Variants in DBF4B observed in about 807,000 individuals in gnomAD.
DBF4B encodes the protein protein DBF4 homolog B.
DBF4B carries 49 observed loss-of-function variants against 53.4 expected under a neutral mutation model. The observed-to-expected ratio is 0.92, with a 90% CI of 0.73 to 1.16. DBF4B has a LOEUF of 1.16. Ranked by LOEUF, DBF4B falls within the 50% of genes most tolerant of loss-of-function variation. The pLI is 0.00. For missense variants in DBF4B, 692 were observed against 775.0 expected (o/e 0.89, Z 1.27); for synonymous variants, 257 against 288.7 (o/e 0.89, Z 1.11).
chr17:44,725,569 C>T (rs1210334456), intron 3 of DBF4B, among the ~76,000 whole-genome samples: 1 of 151,934 alleles, frequency 6.6e-6, no homozygotes, highest in African/African-American at 2.4e-5. Flanking sequence ...AACCCTGTAC[C>T]CATTATCAGT....
intron 10 of DBF4B, among the ~76,000 whole-genome samples, chr17:44,743,714 G>T (rs572022445): frequency 6.7e-6 from 1 of 150,044 alleles, no homozygotes; most frequent in Non-Finnish European, 1.5e-5. Flanking sequence ...AGGTTCACGC[G>T]ATTCTCCTCC....
Position 44,749,230 on chromosome 17 carries a change from G to C in DBF4B, c.1189+765G>C. ...CCTCTGGGCCCCCCAGCCTCTCCAGGTGCCCTGTCTCCCTGTCTCCCAGCC... is the reference window on the plus strand; with the variant it reads ...CCTCTGGGCCCCCCAGCCTCTCCAGCTGCCCTGTCTCCCTGTCTCCCAGCC... On this transcript the variant is annotated intron_variant, in intron 13 of 13. Transcript: ENST00000315005. The surrounding 1 kb of genome is among the most constrained non-coding windows in gnomAD (Gnocchi z 4.4). 3 of 1,290,464 alleles carry C rather than the reference G, an allele frequency of 2.3e-6. No homozygotes were observed. Among genetic ancestry groups the C allele is most frequent in the Non-Finnish European group, 3.0e-6 (3 of 988,878 alleles). 79.9% of individuals were successfully genotyped at this position (1,290,464 alleles called of 1,614,324 possible).
Position 44,734,003 on chromosome 17 carries a change from G to T in DBF4B, c.557-87G>T, listed in dbSNP as rs564134831. ...GAGTGATTCAGTGGGCTGGCCCAGCGAGTTTAGTCCTGCAGCCCAGGAAGG... is the reference window on the plus strand; with the variant it reads ...GAGTGATTCAGTGGGCTGGCCCAGCTAGTTTAGTCCTGCAGCCCAGGAAGG... On this transcript the variant is annotated intron_variant, in intron 6 of 13. Coordinates refer to ENST00000315005, the MANE Select transcript of DBF4B (RefSeq NM_145663.3). 1.3e-5 allele frequency: 14 copies of T among 1,113,318 alleles called. No homozygotes were observed. In the Admixed American group the frequency reaches 1.4e-4, roughly 11 times the overall value. The allele number at this position is 1,113,318 out of a possible 1,614,324, so 69.0% of individuals were successfully genotyped here. A position where few individuals can be genotyped will look rare whatever the true frequency, so the allele number is the denominator to read the frequency against.
rs761296428 is a variant in DBF4B, at chr17:44,748,434, GAT to G, written c.1160_1161del (p.Ile387LysfsTer104). 1.9e-6 allele frequency: 3 copies of G among 1,614,082 alleles called. No homozygotes were observed. In the South Asian group the frequency reaches 3.3e-5, roughly 18 times the overall value. On this transcript the variant is annotated frameshift_variant, in exon 13 of 14. Transcript: ENST00000315005. LOFTEE classifies it low-confidence loss of function (END_TRUNC). Reference protein sequence around the residue: ...PSHPRAASPRIRKEDSCQASV... With the variant: ...PSHPRAASPRXRKEDSCQASV... Reference sequence around the variant, plus strand: ...CCCATCCCAGGGCAGCATCTCCCAGGATAAGGAAAGAAGACAGCTGCCAGGCA... The same window carrying G: ...CCCATCCCAGGGCAGCATCTCCCAGGAAGGAAAGAAGACAGCTGCCAGGCA...
intron 3 of DBF4B, among the ~76,000 whole-genome samples, chr17:44,727,219 C>T (rs1974439194): frequency 6.6e-6 from 1 of 151,446 alleles, no homozygotes; most frequent in South Asian, 2.1e-4. Context: ...GAGTTCTACA[C>T]CAGCCTGGCC....
intron 6 of DBF4B, among the ~76,000 whole-genome samples, chr17:44,733,345 G>A (rs1367025948): frequency 6.6e-6 from 1 of 152,188 alleles, no homozygotes; most frequent in Non-Finnish European, 1.5e-5. Context: ...ACCACTCTCA[G>A]TTTTACTCAG....
At chr17:44,726,292 T>TTTTTTTTATTTATTTA (rs1555676222) in intron 3 of DBF4B, among the ~76,000 whole-genome samples, 37 of 132,088 alleles carry the variant, frequency 2.8e-4, no homozygotes, top group East Asian at 2.6e-3. Flanking sequence ...CCCGGCCCTT[T>TTTTTTTTATTTATTTA]TTTATTTATT....
Position 44,741,463 on chromosome 17 carries a change from C to T in DBF4B, c.830+11C>T. On this transcript the variant is annotated intron_variant, in intron 10 of 13. Coordinates refer to ENST00000315005, the MANE Select transcript of DBF4B (RefSeq NM_145663.3). ...CATGCACCATACCAGGTGGGTCTTT[C>T]TGGTTCCTGAGTACCAAGGGCTGGT... The T allele has an allele frequency of 5.7e-6, 9 of 1,566,308 alleles. No individual in the cohort carries two copies. The highest frequency in any genetic ancestry group is 7.8e-6 in the Non-Finnish European group (9 of 1,149,454).
intron 3 of DBF4B, among the ~76,000 whole-genome samples, chr17:44,723,626 G>C (rs1974043713): frequency 6.6e-6 from 1 of 151,916 alleles, no homozygotes; most frequent in African/African-American, 2.4e-5. Context: ...AGGCATCATA[G>C]TGGGCACCTA....
At chr17:44,748,057 C>CA (rs1019662416) in intron 12 of DBF4B, among the ~76,000 whole-genome samples, 3 of 152,196 alleles carry the variant, frequency 2.0e-5, no homozygotes, top group African/African-American at 7.2e-5. Flanking sequence ...CTTCAGCTGC[C>CA]AAAGGGCACA....
intron 2 of DBF4B, among the ~76,000 whole-genome samples, chr17:44,711,067 C>A (rs1055930092): frequency 3.4e-5 from 5 of 147,890 alleles, no homozygotes; most frequent in African/African-American, 1.3e-4. Flanking sequence ...CTCACTGCAA[C>A]CTCTGCCTCC....
chr17:44,738,514 T>C (rs918393632), intron 9 of DBF4B, 90 bp downstream of exon 9: 6 of 1,360,618 alleles, frequency 4.4e-6, no homozygotes, highest in African/African-American at 4.3e-5. Context: ...CAAGCTAATG[T>C]GAAGACATGG....
intron 9 of DBF4B, among the ~76,000 whole-genome samples, chr17:44,739,753 T>C (rs1975807124): frequency 6.6e-6 from 1 of 152,146 alleles, no homozygotes; most frequent in South Asian, 2.1e-4. Flanking sequence ...GAGATCCAAC[T>C]GGAGCTGAGA....
At chr17:44,714,532 C>A (rs1313324085) in intron 2 of DBF4B, among the ~76,000 whole-genome samples, 3 of 151,850 alleles carry the variant, frequency 2.0e-5, no homozygotes, top group East Asian at 1.9e-4. Flanking sequence ...ATTTCTACCC[C>A]TTACTAACAG....
At chr17:44,743,509 C>T (rs866480910) in intron 10 of DBF4B, among the ~76,000 whole-genome samples, 20 of 151,938 alleles carry the variant, frequency 1.3e-4, no homozygotes, top group Middle Eastern at 3.4e-3. Context: ...TGGAGGAGAT[C>T]CGAGTGGTGC....
intron 3 of DBF4B, among the ~76,000 whole-genome samples, chr17:44,728,272 C>T (rs1974531883): frequency 6.6e-6 from 1 of 152,116 alleles, no homozygotes; most frequent in Admixed American, 6.6e-5. Context: ...GCTAAGGCCT[C>T]TGAGGCCTAG....
rs761674253 is a variant in DBF4B at position 44,751,222 on chromosome 17, A to G, written c.1817A>G (p.His606Arg). The change falls in exon 14 of 14, where the codon CAT (histidine) becomes CGT (arginine). Residue 606 changes from histidine (H) to arginine (R), a missense_variant. His to Arg is a conservative substitution (Grantham distance 29, BLOSUM62 0). Around this residue, in one of 3 missense-constraint regions of DBF4B, gnomAD observed 597 missense variants for 665.8 expected, o/e 0.90. Coordinates refer to ENST00000315005, the MANE Select transcript of DBF4B (RefSeq NM_145663.3). ...TGGAACACTCCTCAGCCATTTCTCC[A>G]TTGCGGCTTCCTGGCTGTAGACTCA... ...QGWNTPQPFL[H>R]CGFLAVDSG 6.2e-7 allele frequency: 1 copy of G among 1,613,634 alleles called. No individual in the cohort carries two copies. The highest frequency in any genetic ancestry group is 8.5e-7 in the Non-Finnish European group (1 of 1,179,892).
Position 44,751,697 on chromosome 17 carries a change from CG to C in DBF4B, c.*445del. 1 of 1,428,552 alleles carries C rather than the reference CG, an allele frequency of 7.0e-7. No individual in the cohort carries two copies. The highest frequency in any genetic ancestry group is 9.1e-7 in the Non-Finnish European group (1 of 1,093,778). The allele number at this position is 1,428,552 out of a possible 1,614,324, so 88.5% of individuals were successfully genotyped here. Reference sequence around the variant, plus strand: ...GCTCCTTCCTGCGGTCTATACCTACCGCCTCCTCTTCACCTCCTTCCCTTCC... The same window carrying C: ...GCTCCTTCCTGCGGTCTATACCTACCCCTCCTCTTCACCTCCTTCCCTTCC... On this transcript the variant is annotated 3_prime_UTR_variant, in exon 14 of 14. Coordinates refer to ENST00000315005, the MANE Select transcript of DBF4B (RefSeq NM_145663.3).
At chr17:44,734,965 G>A (rs989645981) in intron 7 of DBF4B, among the ~76,000 whole-genome samples, 20 of 152,156 alleles carry the variant, frequency 1.3e-4, no homozygotes, top group African/African-American at 4.3e-4. Flanking sequence ...TTAGCCGGGC[G>A]TGGTGGCACA....
Sources: allele counts gnomAD v4.1 joint callset (sites outside exome capture counted in the v4.1 genomes callset), GRCh38; gene constraint gnomAD v4.1.1; regional missense constraint gnomAD v4.1.1; non-coding constraint Gnocchi (gnomAD v3.1); transcripts MANE v1.5; gene names NCBI Gene and HGNC (gene_info 2026-07-23, HGNC 2026-07-21).